Variants in CHSY3 observed in about 807,000 individuals in gnomAD.
The protein encoded by CHSY3 is N-acetylgalactosaminyl-proteoglycan 3-beta-glucuronosyltransferase 3.
A neutral mutation model predicts 67.2 loss-of-function variants in CHSY3; 35 were observed. The observed-to-expected ratio is 0.52, with a 90% CI of 0.40 to 0.69. CHSY3 has a LOEUF of 0.69. Among genes scored for constraint, CHSY3 ranks in the 30% least tolerant of loss-of-function variants. The probability of loss-of-function intolerance (pLI) is 0.00; values close to 1 mark genes in which losing one functional copy is unlikely to be tolerated. For missense variants in CHSY3, 1,069 were observed against 1,138.5 expected, an observed-to-expected ratio of 0.94 and a Z score of 0.88; for synonymous variants, 474 against 434.7, an observed-to-expected ratio of 1.09 and a Z score of -1.12.
chr5:130,025,525 G>A (rs1461439773), intron 2 of CHSY3, among the ~76,000 whole-genome samples: 1 of 152,094 alleles, frequency 6.6e-6, no homozygotes, highest in Non-Finnish European at 1.5e-5. Flanking sequence ...TATTGTCTTA[G>A]TCTGCTTGGG....
At chr5:130,000,581 T>A (rs979175455) in intron 2 of CHSY3, among the ~76,000 whole-genome samples, 4 of 145,596 alleles carry the variant, frequency 2.7e-5, no homozygotes, top group African/African-American at 1.0e-4. Flanking sequence ...ATTGTTGCCT[T>A]CTTTCACCCA....
intron 2 of CHSY3, among the ~76,000 whole-genome samples, chr5:130,023,851 T>A (rs1038181928): frequency 6.6e-6 from 1 of 151,844 alleles, no homozygotes; most frequent in African/African-American, 2.4e-5. Context: ...TAGGAGGAAA[T>A]GCTTGTTCTC....
intron 2 of CHSY3, among the ~76,000 whole-genome samples, chr5:130,170,873 A>G (rs1040753504): frequency 6.6e-6 from 1 of 150,926 alleles, no homozygotes; most frequent in African/African-American, 2.4e-5. Flanking sequence ...CTATTACTTT[A>G]CATTTTGTTT....
intron 2 of CHSY3, among the ~76,000 whole-genome samples, chr5:130,049,254 AT>A: frequency 6.6e-6 from 1 of 152,230 alleles, no homozygotes; most frequent in African/African-American, 2.4e-5. Flanking sequence ...GATTTTCATG[AT>A]TGAAATTATC....
chr5:130,178,624 T>C (rs1459255510), intron 2 of CHSY3, among the ~76,000 whole-genome samples: 2 of 152,136 alleles, frequency 1.3e-5, no homozygotes, highest in African/African-American at 2.4e-5. Flanking sequence ...CATTTTTTTG[T>C]CTTCTTCTAC....
intron 2 of CHSY3, among the ~76,000 whole-genome samples, chr5:129,957,527 C>T (rs1355088307): frequency 6.6e-6 from 1 of 152,054 alleles, no homozygotes; most frequent in African/African-American, 2.4e-5. Flanking sequence ...GAATGAATGC[C>T]TGCAAGTATG....
chr5:130,040,933 C>A lies in CHSY3; in HGVS notation c.1086+132573C>A, dbSNP rs545886300. Among the ~76,000 whole-genome samples the A allele has an allele frequency of 1.4e-3, 210 of 152,156 alleles. 2 individuals are homozygous for A. The highest frequency in any genetic ancestry group is 4.7e-3 in the African/African-American group (196 of 41,536). ...AATACTGTTTAGTAAGCTCAAGCAG[C>A]AAAATTGCTTGGCTGTTTATTTAAC... On this transcript the variant is annotated intron_variant, in intron 2 of 2. Transcript: ENST00000305031.
intron 2 of CHSY3, among the ~76,000 whole-genome samples, chr5:130,120,967 T>G (rs1213167020): frequency 2.0e-5 from 3 of 152,284 alleles, no homozygotes; most frequent in Non-Finnish European, 4.4e-5. Context: ...ACTCCTCCAC[T>G]TGCCAGTGCA....
chr5:130,078,844 A>G (rs746365982), intron 2 of CHSY3, among the ~76,000 whole-genome samples: 9 of 152,118 alleles, frequency 5.9e-5, no homozygotes, highest in Non-Finnish European at 1.2e-4. Context: ...AGCTGTGCCT[A>G]TTGGAGAGGC....
At chr5:130,022,823 A>G (rs1210630864) in intron 2 of CHSY3, among the ~76,000 whole-genome samples, 1 of 151,972 alleles carries the variant, frequency 6.6e-6, no homozygotes, top group Non-Finnish European at 1.5e-5. Flanking sequence ...TGTAAGGTAA[A>G]TATAAAATAG....
chr5:129,958,946 T>A (rs1762253784), intron 2 of CHSY3, among the ~76,000 whole-genome samples: 1 of 152,094 alleles, frequency 6.6e-6, no homozygotes, highest in Non-Finnish European at 1.5e-5. Context: ...AATATAGGAC[T>A]CAGTATTTCC....
chr5:130,080,981 A>C (rs63720960), intron 2 of CHSY3, among the ~76,000 whole-genome samples: 69,007 of 151,338 alleles, frequency 0.46, 15,977 homozygotes, highest in African/African-American at 0.54. Flanking sequence ...TCTTAGAGAC[A>C]CTGGAGATGG....
chr5:130,008,780 AT>A (rs1392137997), intron 2 of CHSY3, among the ~76,000 whole-genome samples: 2 of 152,364 alleles, frequency 1.3e-5, no homozygotes, highest in Admixed American at 1.3e-4. Flanking sequence ...AACTGATCTA[AT>A]AGAGGTGAAA....
At chr5:130,050,507 A>G (rs1765307386) in intron 2 of CHSY3, among the ~76,000 whole-genome samples, 1 of 152,140 alleles carries the variant, frequency 6.6e-6, no homozygotes, top group African/African-American at 2.4e-5. Context: ...TAAAGAAATA[A>G]TAATTTTGTC....
At chr5:130,136,736 T>C (rs1225157050) in intron 2 of CHSY3, among the ~76,000 whole-genome samples, 18 of 152,340 alleles carry the variant, frequency 1.2e-4, no homozygotes, top group South Asian at 2.1e-4. Context: ...ACTTGAGCTA[T>C]AAAATTTTTG....
intron 2 of CHSY3, among the ~76,000 whole-genome samples, chr5:130,151,290 T>C (rs1769225501): frequency 6.6e-6 from 1 of 152,214 alleles, no homozygotes; most frequent in Admixed American, 6.5e-5. Flanking sequence ...ATGTCATTAC[T>C]GTGAGGCCCA....
intron 2 of CHSY3, among the ~76,000 whole-genome samples, chr5:130,080,854 C>T (rs183989417): frequency 2.6e-5 from 4 of 152,090 alleles, no homozygotes; most frequent in Admixed American, 6.6e-5. Context: ...GAAAAAGAAA[C>T]TCAAAAAAGA....
chr5:130,049,360 G>A (rs997506833), intron 2 of CHSY3, among the ~76,000 whole-genome samples: 1 of 151,980 alleles, frequency 6.6e-6, no homozygotes, highest in Non-Finnish European at 1.5e-5. Flanking sequence ...GAACATGCTT[G>A]CATAGTACAG....
rs1445467563 is a variant in CHSY3 at position 130,020,450 on chromosome 5, TATA to T, written c.1086+112091_1086+112093del. Among the ~76,000 whole-genome samples the T allele has an allele frequency of 4.8e-3, 20 of 4,150 alleles. 1 individual carries two copies. The highest frequency in any genetic ancestry group is 0.015 in the Admixed American group (4 of 262). 2.7% of individuals were successfully genotyped at this position (4,150 alleles called of 152,430 possible). A position where few individuals can be genotyped will look rare whatever the true frequency, so the allele number is the denominator to read the frequency against. ...ATATATATATATATATATATATATA[TATA>T]TATATATATTTTTTTTTTTTTTTTT... On this transcript the variant is annotated intron_variant, in intron 2 of 2. Transcript: ENST00000305031.
Sources: gnomAD v4.1 joint callset for allele counts (sites outside exome capture counted in the v4.1 genomes callset) on GRCh38, gnomAD v4.1.1 for gene constraint, MANE v1.5 for transcripts, NCBI Gene and HGNC (gene_info 2026-07-23, HGNC 2026-07-21) for gene names.